The following CHN1 variants were observed in gnomAD, a reference collection of about 807,000 sequenced individuals.
CHN1 encodes the protein chimerin 1, also known as N-chimaerin.
CHN1 carries 37 observed loss-of-function variants against 59.5 expected under a neutral mutation model. The ratio of observed to expected loss-of-function variants is 0.62; its 90% CI spans 0.48 to 0.82. The LOEUF (loss-of-function observed/expected upper bound fraction) is 0.82. CHN1 is among the 40% of genes least tolerant of loss of function. The pLI is 0.00. For synonymous variants in CHN1, 206 were observed against 200.4 expected (o/e 1.03, Z -0.24); for missense variants, 469 against 571.0 (o/e 0.82, Z 1.82).
At chr2:174,972,485 C>T (rs150752137) in intron 1 of CHN1, among the ~76,000 whole-genome samples, 372 of 152,240 alleles carry the variant, frequency 2.4e-3, no homozygotes, top group African/African-American at 8.7e-3. Flanking sequence ...TTGGAATTTA[C>T]ACTTCCTGTA....
At chr2:174,932,294 C>A (rs373869687) in intron 3 of CHN1, among the ~76,000 whole-genome samples, 3 of 152,126 alleles carry the variant, frequency 2.0e-5, no homozygotes, top group East Asian at 1.9e-4. Context: ...ACATCCATAT[C>A]CCCTCCATTT....
chr2:174,896,124 A>G (rs1688211569), intron 5 of CHN1, among the ~76,000 whole-genome samples: 1 of 151,900 alleles, frequency 6.6e-6, no homozygotes, highest in Non-Finnish European at 1.5e-5. Context: ...TAAAATTAAA[A>G]AAAAAACTCC....
At position 174,800,022 on chromosome 2, in the gene CHN1, TA is replaced by T; in HGVS notation, c.*93del. ...TAATCTGGTTATATGCCCAAACCTC[TA>T]ATCAAGAAATAATGCAGCTACAGGA... is the stretch of plus-strand genomic sequence containing the variant. On this transcript the variant is annotated 3_prime_UTR_variant, in exon 13 of 13. Transcript: ENST00000409900. The T allele has an allele frequency of 8.3e-7, 1 of 1,201,766 alleles. No homozygotes were observed. Among genetic ancestry groups the T allele is most frequent in the Non-Finnish European group, 1.2e-6 (1 of 838,924 alleles). The allele number at this position is 1,201,766 out of a possible 1,614,324, so 74.4% of individuals were successfully genotyped here. A position where few individuals can be genotyped will look rare whatever the true frequency, so the allele number is the denominator to read the frequency against.
chr2:174,847,754 G>A (rs1305925308), intron 6 of CHN1: 4 of 395,082 alleles, frequency 1.0e-5, no homozygotes, highest in Middle Eastern at 1.5e-3. Context: ...ATGTAAGTAA[G>A]TTTCTTGCTG....
At chr2:174,958,841 G>A (rs1690304897) in intron 1 of CHN1, among the ~76,000 whole-genome samples, 2 of 152,110 alleles carry the variant, frequency 1.3e-5, no homozygotes. Context: ...AAGTTATTCT[G>A]AAAACACAAT....
chr2:174,976,055 G>A (rs1690915299), intron 1 of CHN1, among the ~76,000 whole-genome samples: 2 of 144,130 alleles, frequency 1.4e-5, no homozygotes, highest in Admixed American at 1.4e-4. Flanking sequence ...GAACCCGGGA[G>A]GCGGAGCTTG....
At chr2:174,950,571 C>T (rs1189076588) in intron 2 of CHN1, among the ~76,000 whole-genome samples, 1 of 151,946 alleles carries the variant, frequency 6.6e-6, no homozygotes, top group African/African-American at 2.4e-5. Flanking sequence ...ATGATAGCTA[C>T]TGCAAGACAT....
chr2:174,887,838 G>A (rs971356736), intron 5 of CHN1, among the ~76,000 whole-genome samples: 3 of 152,134 alleles, frequency 2.0e-5, no homozygotes, highest in Admixed American at 6.5e-5. Context: ...ACAGAAAAGC[G>A]TTCTAAGTCT....
intron 1 of CHN1, among the ~76,000 whole-genome samples, chr2:174,970,014 C>G (rs560383986): frequency 6.6e-6 from 1 of 152,132 alleles, no homozygotes; most frequent in Non-Finnish European, 1.5e-5. Context: ...CTGGGTAAAA[C>G]AAAGCAGTGG....
Position 174,990,260 on chromosome 2 carries a change from T to A in CHN1, c.19+14634A>T, listed in dbSNP as rs866095257. 1.7e-3 allele frequency among the ~76,000 whole-genome samples: 167 copies of A among 98,692 alleles called. 1 individual carries two copies. Among genetic ancestry groups the A allele is most frequent in the East Asian group, 8.1e-3 (29 of 3,592 alleles). The allele number at this position is 98,692 out of a possible 152,430, so 64.7% of individuals were successfully genotyped here. A position where few individuals can be genotyped will look rare whatever the true frequency, so the allele number is the denominator to read the frequency against. On this transcript the variant is annotated intron_variant, in intron 1 of 12. Coordinates refer to ENST00000409900, the MANE Select transcript of CHN1 (RefSeq NM_001822.7). ...GTGTGTGTGTGTGTGTGTGTGTGTG[T>A]GTGAGAGAGAGAGAGAGAGAGAGAG... is the stretch of plus-strand genomic sequence containing the variant.
intron 1 of CHN1, among the ~76,000 whole-genome samples, chr2:174,969,689 T>C (rs571052451): frequency 1.2e-4 from 18 of 152,210 alleles, no homozygotes; most frequent in South Asian, 6.2e-4. Flanking sequence ...TGACACTTCA[T>C]ACTCTTTTTT....
chr2:174,944,338 G>T (rs1383875255), intron 3 of CHN1, among the ~76,000 whole-genome samples: 1 of 152,104 alleles, frequency 6.6e-6, no homozygotes, highest in Non-Finnish European at 1.5e-5. Context: ...TTCCTCACAG[G>T]CTTGCCAAGT....
At position 174,799,311 on chromosome 2, in the gene CHN1, G is replaced by GTAAAAAAAAGTAAACAAAA; in HGVS notation, c.*804_*805insTTTTGTTTACTTTTTTTTA. 2.7e-6 allele frequency: 1 copy of GTAAAAAAAAGTAAACAAAA among 366,120 alleles called. No homozygotes were observed. Among genetic ancestry groups the GTAAAAAAAAGTAAACAAAA allele is most frequent in the South Asian group, 2.4e-5 (1 of 41,376 alleles). 22.7% of individuals were successfully genotyped at this position (366,120 alleles called of 1,614,324 possible). On this transcript the variant is annotated 3_prime_UTR_variant, in exon 13 of 13. Coordinates refer to ENST00000409900, the MANE Select transcript of CHN1 (RefSeq NM_001822.7). ...ATCACTTTTAACAGTAAACAAAAGA[G>GTAAAAAAAAGTAAACAAAA]GTCAGAAGAAGTACTCAGTATTTAA...
At chr2:174,916,130 C>A (rs939542816) in intron 4 of CHN1, among the ~76,000 whole-genome samples, 1 of 152,136 alleles carries the variant, frequency 6.6e-6, no homozygotes, top group African/African-American at 2.4e-5. Context: ...TTTCAGCAAC[C>A]GGGGAAGACT....
At chr2:174,858,979 T>TACACACACACACACACACACACACACAC (rs71407155) in intron 6 of CHN1, among the ~76,000 whole-genome samples, 2 of 142,404 alleles carry the variant, frequency 1.4e-5, no homozygotes, top group African/African-American at 5.3e-5. Flanking sequence ...TTTCCTCCTC[T>TACACACACACACACACACACACACACAC]ACACACACAC....
At chr2:174,870,251 T>C (rs1687364403) in intron 6 of CHN1, among the ~76,000 whole-genome samples, 1 of 152,210 alleles carries the variant, frequency 6.6e-6, no homozygotes, top group East Asian at 1.9e-4. Flanking sequence ...GTAGCCATTA[T>C]AGCTGCCTAT....
chr2:174,953,507 A>G (rs1034805767), intron 1 of CHN1, among the ~76,000 whole-genome samples: 1 of 152,168 alleles, frequency 6.6e-6, no homozygotes, highest in Non-Finnish European at 1.5e-5. Context: ...TGATGACATG[A>G]TCGCACACCT....
intron 6 of CHN1, among the ~76,000 whole-genome samples, chr2:174,860,341 T>C (rs1210708869): frequency 6.6e-6 from 1 of 152,124 alleles, no homozygotes; most frequent in African/African-American, 2.4e-5. Flanking sequence ...AGACTGCAGA[T>C]TGGTAATTCA....
chr2:174,904,263 AAAAT>A (rs1240707546), intron 5 of CHN1, among the ~76,000 whole-genome samples: 3 of 152,078 alleles, frequency 2.0e-5, no homozygotes, highest in African/African-American at 7.2e-5. Flanking sequence ...TCCGTCTCAA[AAAAT>A]AAATAAATAA....
Sources: allele counts gnomAD v4.1 joint callset (sites outside exome capture counted in the v4.1 genomes callset), GRCh38; gene constraint gnomAD v4.1.1; transcripts MANE v1.5; gene names NCBI Gene and HGNC (gene_info 2026-07-23, HGNC 2026-07-21).